Variants in PCDHGA2 observed in about 807,000 individuals in gnomAD.
PCDHGA2 encodes the protein protocadherin gamma-A2.
PCDHGA2 carries 40 observed loss-of-function variants against 59.2 expected under a neutral mutation model. That is an observed-to-expected ratio of 0.68 (90% CI 0.52 to 0.88). The LOEUF (loss-of-function observed/expected upper bound fraction) is 0.88, where lower values mean the gene tolerates loss of function less well. Among genes scored for constraint, PCDHGA2 ranks in the 40% least tolerant of loss-of-function variants. The probability of loss-of-function intolerance (pLI) is 0.00; values close to 1 mark genes in which losing one functional copy is unlikely to be tolerated. For missense variants in PCDHGA2, 1,226 were observed against 1,204.0 expected, an observed-to-expected ratio of 1.02 and a Z score of -0.27; for synonymous variants, 560 against 526.0, an observed-to-expected ratio of 1.06 and a Z score of -0.89.
In PCDHGA2 at chr5:141,339,862, A is replaced by G; in HGVS notation, c.891A>G (p.Thr297=). 6.2e-7 allele frequency: 1 copy of G among 1,614,158 alleles called. No individual in the cohort carries two copies. The highest frequency in any genetic ancestry group is 1.6e-4 in the Middle Eastern group (1 of 6,062). The change falls in exon 1 of 4, where the codon ACA becomes ACG. Residue 297 remains threonine (T), a synonymous_variant. Transcript: ENST00000394576. ...ETSEVFELKS[T]SGELTIIKDL... Reference sequence around the variant, plus strand: ...CAGAGGTATTTGAGCTTAAGTCAACATCTGGAGAACTGACAATCATAAAAG... The same window carrying G: ...CAGAGGTATTTGAGCTTAAGTCAACGTCTGGAGAACTGACAATCATAAAAG...
intron 1 of PCDHGA2, among the ~76,000 whole-genome samples, chr5:141,380,518 T>A (rs1166161347): frequency 2.6e-5 from 4 of 152,254 alleles, no homozygotes; most frequent in Non-Finnish European, 5.9e-5. Context: ...CTTTAAACTA[T>A]GAAATGATTT....
chr5:141,371,271 A>C (rs1251715871), intron 1 of PCDHGA2: 2 of 1,613,938 alleles, frequency 1.2e-6, no homozygotes, highest in Non-Finnish European at 1.7e-6. Flanking sequence ...ACAACTGTTC[A>C]AGCTGGACAG....
intron 1 of PCDHGA2, among the ~76,000 whole-genome samples, chr5:141,349,195 G>A (rs1343886266): frequency 6.6e-5 from 10 of 151,902 alleles, no homozygotes; most frequent in African/African-American, 1.9e-4. Flanking sequence ...TCAACCTCCC[G>A]AGTAGCTGGC....
At chr5:141,389,355 G>C in intron 1 of PCDHGA2, 2 of 1,613,950 alleles carry the variant, frequency 1.2e-6, no homozygotes, top group Non-Finnish European at 1.7e-6. Flanking sequence ...CTGCATCATG[G>C]CCAGTGACCT....
intron 1 of PCDHGA2, chr5:141,365,877 C>G (rs1764180285): frequency 1.2e-6 from 2 of 1,614,008 alleles, no homozygotes; most frequent in East Asian, 4.5e-5. Context: ...GTCCTGTATG[C>G]TCTGAGATCC....
intron 1 of PCDHGA2, chr5:141,405,045 C>T (rs757899891): frequency 6.2e-7 from 1 of 1,613,918 alleles, no homozygotes. Context: ...GTGGCTGTGG[C>T]AGTCGTCTCC....
intron 1 of PCDHGA2, chr5:141,479,290 T>C (rs1045200175): frequency 1.3e-5 from 2 of 152,438 alleles, no homozygotes; most frequent in Non-Finnish European, 2.9e-5. Flanking sequence ...AAAATAAATC[T>C]AGGCAACCCA....
intron 1 of PCDHGA2, chr5:141,343,961 TG>T (rs746769651): frequency 1.0e-5 from 14 of 1,353,936 alleles, no homozygotes; most frequent in Non-Finnish European, 1.3e-5. Flanking sequence ...CTTCGTTTCT[TG>T]AGAAAATAAG....
chr5:141,447,742 T>G (rs1440015460), intron 1 of PCDHGA2, among the ~76,000 whole-genome samples: 3 of 152,056 alleles, frequency 2.0e-5, no homozygotes, highest in Non-Finnish European at 4.4e-5. Flanking sequence ...AACTTAAGAG[T>G]CTTGCATGTG....
chr5:141,433,993 T>G (rs1367687577), intron 1 of PCDHGA2, among the ~76,000 whole-genome samples: 1 of 152,216 alleles, frequency 6.6e-6, no homozygotes, highest in Non-Finnish European at 1.5e-5. Context: ...GAGTTTTATA[T>G]TCTCTATATA....
rs369595307 is a variant in PCDHGA2, at chr5:141,394,005, A to G, written c.2424+52610A>G. On this transcript the variant is annotated intron_variant, in intron 1 of 3. Coordinates refer to ENST00000394576, the MANE Select transcript of PCDHGA2 (RefSeq NM_018915.4). ...TTTACCTTTTAAATTAGAAAAGTCA[A>G]TAGGTAATTATTATAGATTAGTGAC... 52 of 1,613,340 alleles carry G rather than the reference A, an allele frequency of 3.2e-5. No individual in the cohort carries two copies. In the African/African-American group the frequency reaches 5.6e-4, roughly 17 times the overall value.
rs534377172 is a variant in PCDHGA2 at position 141,352,119 on chromosome 5, G to A, written c.2424+10724G>A. The A allele has an allele frequency of 2.3e-5, 37 of 1,609,336 alleles. No homozygotes were observed. The East Asian group carries it at 6.0e-4, about 26-fold the overall frequency. On this transcript the variant is annotated intron_variant, in intron 1 of 3. Coordinates refer to ENST00000394576, the MANE Select transcript of PCDHGA2 (RefSeq NM_018915.4). ...CTCTTCAGCCTGGGGTTGCGCACGG[G>A]TGAGGTGCGCACAGCGCGTGCCTTG...
In PCDHGA2 at chr5:141,431,509, C is replaced by T. The variant is rs774558486; in HGVS notation, c.2425-63298C>T. The T allele has an allele frequency of 3.1e-6, 5 of 1,613,992 alleles. 1 individual carries two copies. In the Admixed American group the frequency reaches 5.0e-5, roughly 16 times the overall value. On this transcript the variant is annotated intron_variant, in intron 1 of 3. Coordinates refer to ENST00000394576, the MANE Select transcript of PCDHGA2 (RefSeq NM_018915.4). This position sits in a 1 kb window ranked among gnomAD's most constrained non-coding sequence, Gnocchi z 4.8. ...TTGCTCAGCCCGAGTACCGCGCGAG[C>T]GTTCCGGAGAATCTGGCCTTGGGCA...
intron 1 of PCDHGA2, chr5:141,413,459 A>G: frequency 6.2e-7 from 1 of 1,614,080 alleles, no homozygotes; most frequent in Non-Finnish European, 8.5e-7. Flanking sequence ...GGCAGGATAG[A>G]CCGGGAGGAG....
chr5:141,443,308 C>T (rs1484035480), intron 1 of PCDHGA2, among the ~76,000 whole-genome samples: 7 of 136,252 alleles, frequency 5.1e-5, no homozygotes, highest in African/African-American at 2.2e-4. Context: ...TGGCAAAAAC[C>T]CATCTCTACA....
intron 1 of PCDHGA2, chr5:141,414,696 A>T: frequency 6.2e-7 from 1 of 1,613,982 alleles, no homozygotes; most frequent in Non-Finnish European, 8.5e-7. Flanking sequence ...CTCTGTCCTC[A>T]TACATATCCA....
At chr5:141,361,026 A>G (rs1357990065) in intron 1 of PCDHGA2, 2 of 1,613,406 alleles carry the variant, frequency 1.2e-6, no homozygotes, top group Non-Finnish European at 1.7e-6. Flanking sequence ...TAAATGAAAA[A>G]ACAGGAGAAA....
intron 1 of PCDHGA2, chr5:141,415,040 CG>C (rs878992043): frequency 6.2e-7 from 1 of 1,613,520 alleles, no homozygotes; most frequent in East Asian, 2.2e-5. Flanking sequence ...GGACTCTTCG[CG>C]GTGGGGGAGC....
chr5:141,382,948 T>C, intron 1 of PCDHGA2: 4 of 1,599,496 alleles, frequency 2.5e-6, no homozygotes, highest in Non-Finnish European at 3.4e-6. Flanking sequence ...CTTCCTGCTC[T>C]CCATCCTCCT....
Sources: allele counts gnomAD v4.1 joint callset (sites outside exome capture counted in the v4.1 genomes callset), GRCh38; gene constraint gnomAD v4.1.1; non-coding constraint Gnocchi (gnomAD v3.1); transcripts MANE v1.5; gene names NCBI Gene and HGNC (gene_info 2026-07-23, HGNC 2026-07-21).